The following ZNF248 variants were observed in gnomAD, a reference collection of about 807,000 sequenced individuals.
ZNF248 encodes the protein KRAB protein domain.
ZNF248 carries 20 observed loss-of-function variants against 44.3 expected under a neutral mutation model. That is an observed-to-expected ratio of 0.45 (90% CI 0.32 to 0.66). ZNF248 has a LOEUF of 0.66. ZNF248 is among the 30% of genes least tolerant of loss of function. ZNF248 has a pLI of 0.04. For synonymous variants in ZNF248, 224 were observed against 229.0 expected (o/e 0.98, Z 0.20); for missense variants, 654 against 677.0 (o/e 0.97, Z 0.38).
At position 37,837,954 on chromosome 10, in the gene ZNF248, T is replaced by C. The variant is rs750680795; in HGVS notation, c.142+31A>G. 10 of 1,606,968 alleles carry C rather than the reference T, an allele frequency of 6.2e-6. No homozygotes were observed. The South Asian group carries it at 6.6e-5, about 11-fold the overall frequency. On this transcript the variant is annotated intron_variant, in intron 4 of 5. Coordinates refer to ENST00000395867, the MANE Select transcript of ZNF248 (RefSeq NM_021045.3). ...GCATCAACTAGTAAATGCATGCTAT[T>C]GATAGCCATGTGCGGAAAAAAACTC...
chr10:37,851,547 T>A (rs950513842), intron 3 of ZNF248, among the ~76,000 whole-genome samples: 1 of 152,070 alleles, frequency 6.6e-6, no homozygotes, highest in Non-Finnish European at 1.5e-5. Flanking sequence ...GTGTCCCCCA[T>A]GTATATATGA....
chr10:37,784,677 G>T (rs191038069), intron 6 of ZNF248, among the ~76,000 whole-genome samples: 6 of 152,038 alleles, frequency 3.9e-5, no homozygotes, highest in Non-Finnish European at 7.4e-5. Context: ...ATATTGTCTC[G>T]TCCTAGTCTT....
intron 6 of ZNF248, chr10:37,783,779 T>A (rs911870852): frequency 1.3e-5 from 2 of 152,202 alleles, no homozygotes; most frequent in African/African-American, 4.8e-5. Flanking sequence ...GCCATAGCAA[T>A]TATATACAAT....
chr10:37,821,087 G>T (rs990071545), intron 6 of ZNF248: 6 of 638,366 alleles, frequency 9.4e-6, no homozygotes, highest in Non-Finnish European at 1.6e-5. Context: ...TAGGTCTACA[G>T]AGGTCCTCAT....
intron 6 of ZNF248, among the ~76,000 whole-genome samples, chr10:37,810,929 A>G (rs549432099): frequency 6.6e-6 from 1 of 152,314 alleles, no homozygotes; most frequent in Non-Finnish European, 1.5e-5. Flanking sequence ...TTAAAATATC[A>G]TGTAAAGCTA....
At chr10:37,771,244 C>T in the ZNF248 span, among the ~76,000 whole-genome samples, 1 of 152,180 alleles carries the variant, frequency 6.6e-6, no homozygotes. Flanking sequence ...ACTAGAAATA[C>T]CATTTGACCC....
At chr10:37,835,704 G>A (rs1589697310) in intron 5 of ZNF248, among the ~76,000 whole-genome samples, 1 of 151,984 alleles carries the variant, frequency 6.6e-6, no homozygotes, top group East Asian at 1.9e-4. Flanking sequence ...AGATGAGGAG[G>A]AGCAGCTGCA....
downstream of ZNF248, among the ~76,000 whole-genome samples, chr10:37,772,989 A>G (rs1402422252): frequency 6.6e-6 from 1 of 152,152 alleles, no homozygotes; most frequent in Non-Finnish European, 1.5e-5. Context: ...GTGACTATCA[A>G]AGGAAAAAAA....
the ZNF248 span, among the ~76,000 whole-genome samples, chr10:37,759,250 T>G: frequency 6.6e-6 from 1 of 152,246 alleles, no homozygotes; most frequent in Admixed American, 6.5e-5. Flanking sequence ...TTGGGGGCAG[T>G]CTGAGCCATC....
chr10:37,819,388 T>A (rs2053090812), intron 6 of ZNF248: 1 of 1,403,734 alleles, frequency 7.1e-7, no homozygotes, highest in Non-Finnish European at 1.0e-6. Context: ...ATTCCCTACA[T>A]GCATGCTTGT....
chr10:37,836,038 CTGCTTGAGACAAATTA>C (rs1298708858), intron 5 of ZNF248, among the ~76,000 whole-genome samples: 1 of 152,188 alleles, frequency 6.6e-6, no homozygotes, highest in Non-Finnish European at 1.5e-5. Context: ...ATCTATCTAG[CTGCTTGAGACAAATTA>C]TTGGGATCAC....
intron 3 of ZNF248, among the ~76,000 whole-genome samples, chr10:37,853,614 A>G (rs1590018224): frequency 1.3e-5 from 2 of 151,660 alleles, no homozygotes; most frequent in East Asian, 3.9e-4. Context: ...TCCCGACCTC[A>G]GGTAATCCAC....
At chr10:37,834,617 A>G (rs1431488138) in intron 5 of ZNF248, among the ~76,000 whole-genome samples, 1 of 152,194 alleles carries the variant, frequency 6.6e-6, no homozygotes, top group South Asian at 2.1e-4. Context: ...AGCAACCCTA[A>G]GCCATATGAA....
At chr10:37,845,232 G>A (rs182418668) in intron 3 of ZNF248, among the ~76,000 whole-genome samples, 30 of 151,946 alleles carry the variant, frequency 2.0e-4, no homozygotes, top group Admixed American at 1.1e-3. Flanking sequence ...ATGTCAGGCT[G>A]GTCTCGAACT....
At chr10:37,780,209 T>C (rs1489242998) in intron 6 of ZNF248, among the ~76,000 whole-genome samples, 1 of 151,762 alleles carries the variant, frequency 6.6e-6, no homozygotes, top group Non-Finnish European at 1.5e-5. Flanking sequence ...CATCGCCAAG[T>C]CAATCCTAAG....
At chr10:37,823,512 G>A (rs2053844282) in intron 6 of ZNF248, among the ~76,000 whole-genome samples, 1 of 151,944 alleles carries the variant, frequency 6.6e-6, no homozygotes, top group Admixed American at 6.6e-5. Flanking sequence ...ATAATGAGGG[G>A]GGTCAAGAAT....
intron 3 of ZNF248, among the ~76,000 whole-genome samples, chr10:37,851,510 C>A (rs779488712): frequency 6.6e-6 from 1 of 152,058 alleles, no homozygotes; most frequent in Admixed American, 6.6e-5. Context: ...TTCAAAGCCA[C>A]CTCTTTGTGA....
chr10:37,832,878 G>C lies in ZNF248; in HGVS notation c.477C>G (p.Asn159Lys). 1 of 1,613,546 alleles carries C rather than the reference G, an allele frequency of 6.2e-7. No individual in the cohort carries two copies. The highest frequency in any genetic ancestry group is 1.3e-5 in the African/African-American group (1 of 74,982). The change falls in exon 6 of 6, where the codon AAC becomes AAG. Residue 159 changes from asparagine to lysine, a missense_variant. By Grantham distance (94) the Asn-to-Lys change is moderately conservative (BLOSUM62 0). Coordinates refer to ENST00000395867, the MANE Select transcript of ZNF248 (RefSeq NM_021045.3). The stretch of plus-strand genomic sequence containing the variant: ...ACTCATCAGGCTTCTTTCTGGAACA[G>C]TTCTTTTTACTAATAATTAAGCCCG... Reference protein sequence around the residue: ...NISGLIISKKNCSRKKPDEFN... With the variant: ...NISGLIISKKKCSRKKPDEFN...
chr10:37,831,637 A>G lies in ZNF248; in HGVS notation c.1718T>C (p.Val573Ala). The G allele has an allele frequency of 6.2e-7, 1 of 1,613,526 alleles. No individual in the cohort carries two copies. Among genetic ancestry groups the G allele is most frequent in the Non-Finnish European group, 8.5e-7 (1 of 1,179,584 alleles). The change falls in exon 6 of 6, where the codon GTG becomes GCG. Residue 573 changes from valine (V) to alanine (A), a missense_variant. Transcript: ENST00000395867. ...CATTCAGGATGTTGAAAGAGCTTTCACCCTTGTGTGAATTCTCTGATGTTT... is the reference window on the plus strand; with the variant it reads ...CATTCAGGATGTTGAAAGAGCTTTCGCCCTTGTGTGAATTCTCTGATGTTT... The part of the protein sequence containing the change: ...LTKHQRIHTR[V>A]KALSTS
Sources: gnomAD v4.1 joint callset for allele counts (sites outside exome capture counted in the v4.1 genomes callset) on GRCh38, gnomAD v4.1.1 for gene constraint, MANE v1.5 for transcripts, NCBI Gene and HGNC (gene_info 2026-07-23, HGNC 2026-07-21) for gene names.